Variants in SLC4A7 observed in about 807,000 individuals in gnomAD.
The protein encoded by SLC4A7 is solute carrier family 4 member 7.
SLC4A7 carries 51 observed loss-of-function variants against 137.6 expected under a neutral mutation model. The ratio of observed to expected loss-of-function variants is 0.37; its 90% CI spans 0.30 to 0.47. The LOEUF (loss-of-function observed/expected upper bound fraction) is 0.47, where lower values mean the gene tolerates loss of function less well. Ranked by LOEUF, SLC4A7 falls within the 20% of genes least tolerant of loss-of-function variation. SLC4A7 has a pLI of 1.00. For missense variants in SLC4A7, 1,247 were observed against 1,525.4 expected, an observed-to-expected ratio of 0.82 and a Z score of 3.04; for synonymous variants, 542 against 518.6, an observed-to-expected ratio of 1.05 and a Z score of -0.61.
At position 27,373,317 on chromosome 3, in the gene SLC4A7, T is replaced by G. The variant is rs150942045; in HGVS notation, c.*3447A>C. On this transcript the variant is annotated 3_prime_UTR_variant, in exon 26 of 26. Coordinates refer to ENST00000454389, the MANE Select transcript of SLC4A7 (RefSeq NM_001321103.2). ...AAGTTAGAAAAGAAACCAATTTATA[T>G]GAAGATTGCCAAATTTTGCAATTTG... 1 of 152,148 alleles carries G rather than the reference T, an allele frequency of 6.6e-6. No individual in the cohort carries two copies. The highest frequency in any genetic ancestry group is 1.9e-4 in the East Asian group (1 of 5,200). The allele number at this position is 152,148 out of a possible 1,614,324, so 9.4% of individuals were successfully genotyped here. A position where few individuals can be genotyped will look rare whatever the true frequency, so the allele number is the denominator to read the frequency against.
chr3:27,440,243 C>A (rs953834650), intron 3 of SLC4A7, among the ~76,000 whole-genome samples: 2 of 152,090 alleles, frequency 1.3e-5, no homozygotes, highest in Non-Finnish European at 2.9e-5. Context: ...AAATCAAATT[C>A]CCTTACTTTT....
At chr3:27,482,081 C>T (rs2059735618) in intron 1 of SLC4A7, among the ~76,000 whole-genome samples, 2 of 152,260 alleles carry the variant, frequency 1.3e-5, no homozygotes, top group Admixed American at 6.5e-5. Flanking sequence ...TGCAGTGAGG[C>T]GAGATCAGGC....
At chr3:27,413,726 T>G (rs1195269394) in intron 11 of SLC4A7, among the ~76,000 whole-genome samples, 4 of 152,188 alleles carry the variant, frequency 2.6e-5, no homozygotes, top group African/African-American at 9.7e-5. Flanking sequence ...GAAATGTATA[T>G]TTTGGCTCCA....
intron 10 of SLC4A7, among the ~76,000 whole-genome samples, chr3:27,420,326 T>C (rs968316577): frequency 5.9e-5 from 9 of 152,054 alleles, no homozygotes; most frequent in African/African-American, 1.4e-4. Context: ...AGTATGTAGG[T>C]TATCGTCAAA....
At chr3:27,391,846 G>A (rs756884632) in intron 20 of SLC4A7, 38 bp from the exon 21 acceptor site, 5 of 1,221,304 alleles carry the variant, frequency 4.1e-6, no homozygotes, top group African/African-American at 1.5e-5. Context: ...CTCATGAGTA[G>A]TAAGTAAACA....
intron 1 of SLC4A7, among the ~76,000 whole-genome samples, chr3:27,477,942 A>G (rs1312156447): frequency 6.6e-6 from 1 of 151,416 alleles, no homozygotes; most frequent in Non-Finnish European, 1.5e-5. Flanking sequence ...ACCATTCCAC[A>G]CTCCTTTCTG....
rs1040961745 is a variant in SLC4A7 at position 27,397,880 on chromosome 3, T to C, written c.2590-83A>G. On this transcript the variant is annotated intron_variant, in intron 17 of 25. Transcript: ENST00000454389. The stretch of plus-strand genomic sequence containing the variant: ...TAATTCACATCTTTTATTGATAAAA[T>C]TGTCACTACAACGTACAAATGGAGC... 7 of 792,048 alleles carry C rather than the reference T, an allele frequency of 8.8e-6. No individual in the cohort carries two copies. The Admixed American group carries it at 1.1e-4, about 13-fold the overall frequency. 49.1% of individuals were successfully genotyped at this position (792,048 alleles called of 1,614,324 possible).
chr3:27,377,852 T>C (rs966133414), intron 25 of SLC4A7, among the ~76,000 whole-genome samples: 17 of 152,182 alleles, frequency 1.1e-4, no homozygotes, highest in African/African-American at 4.1e-4. Context: ...AACTGAAGAA[T>C]AGACCCCAAT....
chr3:27,437,572 C>A, intron 3 of SLC4A7, 46 bp from the exon 4 acceptor site: 1 of 1,314,864 alleles, frequency 7.6e-7, no homozygotes, highest in South Asian at 1.8e-5. Flanking sequence ...TTCCTCAAGT[C>A]ATTCAAAGAT....
chr3:27,384,175 C>CAA (rs746527575), intron 23 of SLC4A7, among the ~76,000 whole-genome samples: 2 of 151,914 alleles, frequency 1.3e-5, no homozygotes, highest in Non-Finnish European at 2.9e-5. Flanking sequence ...TAAAAACAAA[C>CAA]AAACAAAAAC....
intron 3 of SLC4A7, 151 bp from the exon 4 acceptor site, chr3:27,437,677 G>T: frequency 2.6e-6 from 1 of 384,342 alleles, no homozygotes. Flanking sequence ...TCACAATTCT[G>T]AAAGGAAACA....
chr3:27,466,984 C>T (rs1157514608), intron 1 of SLC4A7, among the ~76,000 whole-genome samples: 1 of 152,170 alleles, frequency 6.6e-6, no homozygotes, highest in Non-Finnish European at 1.5e-5. Flanking sequence ...ATTCCACAGT[C>T]ATACACTGTG....
intron 9 of SLC4A7, 47 bp downstream of exon 9, chr3:27,421,575 A>C (rs1400142569): frequency 8.9e-6 from 13 of 1,452,876 alleles, no homozygotes; most frequent in Non-Finnish European, 1.2e-5. Flanking sequence ...AAAAACTTGT[A>C]GATTTTGAAA....
intron 1 of SLC4A7, among the ~76,000 whole-genome samples, chr3:27,481,181 A>G (rs1170453069): frequency 6.6e-6 from 1 of 152,248 alleles, no homozygotes; most frequent in East Asian, 1.9e-4. Flanking sequence ...CAACAAAAAA[A>G]GACTCACAAA....
chr3:27,450,270 T>C (rs933235447), intron 2 of SLC4A7, among the ~76,000 whole-genome samples: 1 of 152,140 alleles, frequency 6.6e-6, no homozygotes, highest in Non-Finnish European at 1.5e-5. Context: ...TGGAATTAAA[T>C]CTCAACTACT....
chr3:27,479,766 T>C (rs951994889), intron 1 of SLC4A7, among the ~76,000 whole-genome samples: 1 of 152,212 alleles, frequency 6.6e-6, no homozygotes, highest in Admixed American at 6.5e-5. Context: ...TAAAAAGTGA[T>C]AGCTACAGAG....
At chr3:27,442,415 T>C (rs1213667209) in intron 3 of SLC4A7, among the ~76,000 whole-genome samples, 1 of 151,648 alleles carries the variant, frequency 6.6e-6, no homozygotes, top group Non-Finnish European at 1.5e-5. Context: ...ACATGAAATG[T>C]GACGTCAAAA....
chr3:27,404,015 A>G (rs1316399098), intron 14 of SLC4A7, among the ~76,000 whole-genome samples: 1 of 152,240 alleles, frequency 6.6e-6, no homozygotes, highest in African/African-American at 2.4e-5. Context: ...GATCCATCAA[A>G]TATGTAATAG....
At chr3:27,409,304 C>A (rs2053682775) in intron 13 of SLC4A7, 52 bp downstream of exon 13, 2 of 1,377,542 alleles carry the variant, frequency 1.5e-6, no homozygotes, top group Admixed American at 4.6e-5. Context: ...TGCATACAGA[C>A]ACTTGCCTCT....
Sources: gnomAD v4.1 joint callset for allele counts (sites outside exome capture counted in the v4.1 genomes callset) on GRCh38, gnomAD v4.1.1 for gene constraint, MANE v1.5 for transcripts, NCBI Gene and HGNC (gene_info 2026-07-23, HGNC 2026-07-21) for gene names.